The following DPP10 variants were observed in gnomAD, a reference collection of about 807,000 sequenced individuals.
The protein encoded by DPP10 is dipeptidyl peptidase like 10, also known as inactive dipeptidyl peptidase 10.
A neutral mutation model predicts 120.9 loss-of-function variants in DPP10; 33 were observed. That is an observed-to-expected ratio of 0.27 (90% CI 0.21 to 0.37). The LOEUF (loss-of-function observed/expected upper bound fraction) is 0.37. DPP10 is among the 10% of genes least tolerant of loss of function. DPP10 has a pLI of 1.00. For missense variants in DPP10, 816 were observed against 942.8 expected (o/e 0.87, Z 1.76); for synonymous variants, 337 against 326.1 (o/e 1.03, Z -0.36).
chr2:114,876,913 A>G (rs1372223294), intron 1 of DPP10, among the ~76,000 whole-genome samples: 1 of 152,118 alleles, frequency 6.6e-6, no homozygotes, highest in East Asian at 1.9e-4. Context: ...CTAAAGTGTC[A>G]CGACTTTTCC....
chr2:115,483,479 C>CTATCTATCTCTGTATG (rs3980957), intron 3 of DPP10, among the ~76,000 whole-genome samples: 1 of 144,070 alleles, frequency 6.9e-6, no homozygotes, highest in Non-Finnish European at 1.5e-5. Context: ...ATCTATCTAT[C>CTATCTATCTCTGTATG]TGTATGTGTA....
chr2:115,312,064 T>C (rs2061602005), intron 2 of DPP10, among the ~76,000 whole-genome samples: 1 of 152,102 alleles, frequency 6.6e-6, no homozygotes, highest in South Asian at 2.1e-4. Flanking sequence ...CCCACAATTA[T>C]TATTTAGATT....
At chr2:115,608,356 C>G (rs1040154396) in intron 5 of DPP10, among the ~76,000 whole-genome samples, 1 of 152,060 alleles carries the variant, frequency 6.6e-6, no homozygotes, top group Non-Finnish European at 1.5e-5. Context: ...CATTGCTATA[C>G]TCCACCCTGG....
At chr2:115,425,734 A>G (rs534415509) in intron 3 of DPP10, among the ~76,000 whole-genome samples, 1 of 152,200 alleles carries the variant, frequency 6.6e-6, no homozygotes, top group African/African-American at 2.4e-5. Context: ...ATAAAGAAAT[A>G]CCTGAGACTG....
chr2:115,398,048 C>T (rs2067807272), intron 3 of DPP10, among the ~76,000 whole-genome samples: 1 of 152,114 alleles, frequency 6.6e-6, no homozygotes, highest in Non-Finnish European at 1.5e-5. Flanking sequence ...ATGCTTTCCT[C>T]ATTAAGATGT....
At chr2:114,530,247 C>T (rs1027156841) in intron 1 of DPP10, among the ~76,000 whole-genome samples, 1 of 152,068 alleles carries the variant, frequency 6.6e-6, no homozygotes, top group Non-Finnish European at 1.5e-5. Flanking sequence ...ATGTTCTGTG[C>T]CTTGTTTTTC....
At position 115,840,912 on chromosome 2, in the gene DPP10, C is replaced by G. The variant is rs1690078978; in HGVS notation, c.2256+89C>G. On this transcript the variant is annotated intron_variant, in intron 25 of 25. Coordinates refer to ENST00000410059, the MANE Select transcript of DPP10 (RefSeq NM_020868.6). Reference sequence around the variant, plus strand: ...CACAGCTTCTCTATTATTCCATTCTCCCTACTATTATTTTTTAATATGTTT... The same window carrying G: ...CACAGCTTCTCTATTATTCCATTCTGCCTACTATTATTTTTTAATATGTTT... The G allele has an allele frequency of 3.9e-6, 4 of 1,036,458 alleles. No homozygotes were observed. The South Asian group carries it at 6.5e-5, about 17-fold the overall frequency. 64.2% of individuals were successfully genotyped at this position (1,036,458 alleles called of 1,614,324 possible). A position where few individuals can be genotyped will look rare whatever the true frequency, so the allele number is the denominator to read the frequency against.
chr2:115,739,056 G>T (rs1676942946), intron 8 of DPP10, among the ~76,000 whole-genome samples: 1 of 152,070 alleles, frequency 6.6e-6, no homozygotes, highest in South Asian at 2.1e-4. Flanking sequence ...TGGCTGCAGT[G>T]ACAGAAGTAG....
chr2:114,998,465 A>G (rs1701237929), intron 1 of DPP10, among the ~76,000 whole-genome samples: 1 of 152,182 alleles, frequency 6.6e-6, no homozygotes, highest in Non-Finnish European at 1.5e-5. Flanking sequence ...AAAGGAGCTG[A>G]TCAAAAGGGA....
At position 115,159,227 on chromosome 2, in the gene DPP10, G is replaced by T. The variant is rs979553240; in HGVS notation, c.61-150012G>T. 1.5e-4 allele frequency among the ~76,000 whole-genome samples: 23 copies of T among 152,084 alleles called. 1 individual carries two copies. On this transcript the variant is annotated intron_variant, in intron 1 of 25. Coordinates refer to ENST00000410059, the MANE Select transcript of DPP10 (RefSeq NM_020868.6). ...TAATCCCAGCACTCTGGGAGGCCGG[G>T]GTGGGCGGATAACTAGGTCAGGAGA...
At chr2:115,679,068 G>C (rs777156830) in intron 5 of DPP10, among the ~76,000 whole-genome samples, 5 of 152,146 alleles carry the variant, frequency 3.3e-5, no homozygotes, top group Admixed American at 6.5e-5. Context: ...ATAGGCAAAA[G>C]GGACTTGCCT....
chr2:115,629,907 T>A (rs1439513303), intron 5 of DPP10, among the ~76,000 whole-genome samples: 1 of 152,132 alleles, frequency 6.6e-6, no homozygotes, highest in Non-Finnish European at 1.5e-5. Context: ...CCATGTGAAG[T>A]TTAAAGTAGT....
chr2:114,454,783 G>T (rs905953477), intron 1 of DPP10, among the ~76,000 whole-genome samples: 1 of 151,868 alleles, frequency 6.6e-6, no homozygotes, highest in Admixed American at 6.6e-5. Context: ...TCACATTTAT[G>T]TCTATGTATC....
intron 2 of DPP10, among the ~76,000 whole-genome samples, chr2:115,316,504 T>G (rs1489993672): frequency 2.0e-5 from 3 of 152,056 alleles, no homozygotes; most frequent in African/African-American, 7.2e-5. Context: ...GGTGTAAAAA[T>G]TTGGACAAGG....
At chr2:115,603,235 C>T (rs1449227064) in intron 5 of DPP10, among the ~76,000 whole-genome samples, 5 of 150,372 alleles carry the variant, frequency 3.3e-5, no homozygotes, top group Admixed American at 1.3e-4. Flanking sequence ...TCAAAAATTC[C>T]ATCATCAAGA....
chr2:115,135,952 C>T (rs1482286957), intron 1 of DPP10, among the ~76,000 whole-genome samples: 2 of 152,058 alleles, frequency 1.3e-5, no homozygotes, highest in Non-Finnish European at 2.9e-5. Context: ...AGCAGTCAGG[C>T]TTGCTAATTT....
chr2:115,242,768 T>C (rs767097339), intron 1 of DPP10, among the ~76,000 whole-genome samples: 9 of 151,944 alleles, frequency 5.9e-5, no homozygotes, highest in African/African-American at 1.5e-4. Context: ...ATTAGTGAGA[T>C]TGAGCATTTT....
intron 1 of DPP10, among the ~76,000 whole-genome samples, chr2:114,554,275 G>C (rs187205490): frequency 6.6e-6 from 1 of 152,312 alleles, no homozygotes; most frequent in African/African-American, 2.4e-5. Flanking sequence ...CATCCACTGA[G>C]GACTGAATAG....
intron 1 of DPP10, among the ~76,000 whole-genome samples, chr2:114,625,758 C>T (rs865999116): frequency 2.0e-5 from 3 of 151,894 alleles, no homozygotes; most frequent in African/African-American, 4.8e-5. Context: ...AAAGCTAAGT[C>T]AGGTAGGCTC....
Sources: allele counts gnomAD v4.1 joint callset (sites outside exome capture counted in the v4.1 genomes callset), GRCh38; gene constraint gnomAD v4.1.1; transcripts MANE v1.5; gene names NCBI Gene and HGNC (gene_info 2026-07-23, HGNC 2026-07-21).